INTS2: variants seen among roughly 807,000 people sequenced by gnomAD.
The protein encoded by INTS2 is integrator complex subunit 2, also known as KIAA1287.
Under a neutral mutation model 139.6 loss-of-function variants are expected in INTS2, and 57 were observed. That is an observed-to-expected ratio of 0.41 (90% confidence interval 0.33 to 0.51). The LOEUF is 0.51. Among genes scored for constraint, INTS2 ranks in the 20% least tolerant of loss-of-function variants. The pLI, the probability that INTS2 is intolerant of heterozygous loss-of-function variation, is 0.28. For synonymous variants in INTS2, 473 were observed against 493.4 expected, an observed-to-expected ratio of 0.96 and a Z score of 0.55; for missense variants, 1,196 against 1,436.7, an observed-to-expected ratio of 0.83 and a Z score of 2.71.
At chr17:61,877,690 T>G (rs2145907695) in intron 18 of INTS2, among the ~76,000 whole-genome samples, 197 bp downstream of exon 18, 1 of 152,338 alleles carries the variant, frequency 6.6e-6, no homozygotes, top group Non-Finnish European at 1.5e-5. Context: ...TACTGTAAGG[T>G]TTCTATTTCA....
In INTS2 at chr17:61,904,571, T is replaced by G. The variant is rs199843960; in HGVS notation, c.1196A>C (p.Glu399Ala). 8.1e-6 allele frequency: 13 copies of G among 1,610,866 alleles called. No individual in the cohort carries two copies. Among genetic ancestry groups the G allele is most frequent in the South Asian group, 3.3e-5 (3 of 90,252 alleles). The change falls in exon 9 of 25, where the codon GAA (glutamate) becomes GCA (alanine). Residue 399 changes from glutamate (E) to alanine (A), a missense_variant. This residue lies in a region of INTS2 where 1,129 missense variants were observed against 1,341.9 expected (regional missense o/e 0.84). Coordinates refer to ENST00000251334, the MANE Select transcript of INTS2 (RefSeq NM_001351695.2). ...CATCAACTGCAGTAATTGCTCAGCT[T>G]CTTCTTCAGTTGGTCTAAAAAGGAA... is the stretch of plus-strand genomic sequence containing the variant. ...GIAGLKPTEEEAEQLLQLMTS... is the reference protein window; with the variant it reads ...GIAGLKPTEEAAEQLLQLMTS...
rs531460111 is a variant in INTS2, at chr17:61,890,045, C to T, written c.1876-151G>A. On this transcript the variant is annotated intron_variant, in intron 14 of 24. Transcript: ENST00000251334. ...GAAATGTTGCTGTGTGTGTATTAAA[C>T]TCAAAAAAACAACATGAAATCTGAG... 3.8e-4 allele frequency among the ~76,000 whole-genome samples: 58 copies of T among 151,766 alleles called. 1 individual carries two copies. The South Asian group carries it at 0.012, about 31-fold the overall frequency.
intron 15 of INTS2, among the ~76,000 whole-genome samples, chr17:61,887,316 C>T (rs1311219115): frequency 6.6e-6 from 1 of 151,964 alleles, no homozygotes; most frequent in African/African-American, 2.4e-5. Flanking sequence ...AACCCATTCT[C>T]TACTAAAAAT....
intron 4 of INTS2, among the ~76,000 whole-genome samples, chr17:61,920,269 C>T (rs1487233796): frequency 6.6e-6 from 1 of 151,434 alleles, no homozygotes; most frequent in South Asian, 2.1e-4. Flanking sequence ...GCAACCTCCG[C>T]CTCCAGAGTT....
In INTS2 at chr17:61,903,021, C is replaced by T. The variant is rs535984310; in HGVS notation, c.1307+1439G>A. 1.6e-3 allele frequency among the ~76,000 whole-genome samples: 244 copies of T among 150,776 alleles called. 1 individual carries two copies. The highest frequency in any genetic ancestry group is 5.5e-3 in the African/African-American group (226 of 41,230). On this transcript the variant is annotated intron_variant, in intron 9 of 24. Transcript: ENST00000251334. ...CTCTACTAAAAATACAAAAATTAGC[C>T]GGGCGTGGTGGCAGGCTCCTGTAGT...
At position 61,873,333 on chromosome 17, in the gene INTS2, G is replaced by A. The variant is rs968898260; in HGVS notation, c.2583-873C>T. 6.6e-6 allele frequency among the ~76,000 whole-genome samples: 1 copy of A among 151,810 alleles called. No individual in the cohort carries two copies. Among genetic ancestry groups the A allele is most frequent in the Non-Finnish European group, 1.5e-5 (1 of 67,960 alleles). On this transcript the variant is annotated intron_variant, in intron 19 of 24. Transcript: ENST00000251334. This position sits in a 1 kb window ranked among gnomAD's most constrained non-coding sequence, Gnocchi z 4.0. The stretch of plus-strand genomic sequence containing the variant: ...AAGCCCAGGAGTTCAAGACCAGCCT[G>A]GACAACATAGCAAGACCCCCAACTC...
intron 15 of INTS2, among the ~76,000 whole-genome samples, chr17:61,889,098 T>C (rs1210358609): frequency 1.6e-4 from 24 of 151,368 alleles, no homozygotes; most frequent in Admixed American, 1.3e-3. Flanking sequence ...CTACTTTTTT[T>C]TTTTTTTGAG....
intron 5 of INTS2, among the ~76,000 whole-genome samples, chr17:61,914,821 T>A (rs1372389149): frequency 6.7e-6 from 1 of 148,164 alleles, no homozygotes; most frequent in African/African-American, 2.5e-5. Flanking sequence ...CTGCAGTGAA[T>A]CATGACCACA....
At chr17:61,885,766 G>C (rs1473959822) in intron 15 of INTS2, among the ~76,000 whole-genome samples, 1 of 114,774 alleles carries the variant, frequency 8.7e-6, no homozygotes, top group African/African-American at 3.5e-5. Flanking sequence ...GTCTCGCTCT[G>C]TCACCAGGCT....
In INTS2 at chr17:61,865,447, AC is replaced by A. The variant is rs2079036479; in HGVS notation, c.*2109del. The A allele has an allele frequency of 6.5e-6, 1 of 152,674 alleles. No individual in the cohort carries two copies. Among genetic ancestry groups the A allele is most frequent in the Admixed American group, 6.5e-5 (1 of 15,278 alleles). The allele number at this position is 152,674 out of a possible 1,614,324, so 9.5% of individuals were successfully genotyped here. ...CATCTGTTTTCACTTGAATAAAAAA[AC>A]ACATTGTGACAAATTTTATAACCTT... On this transcript the variant is annotated 3_prime_UTR_variant, in exon 25 of 25. Coordinates refer to ENST00000251334, the MANE Select transcript of INTS2 (RefSeq NM_001351695.2). The surrounding 1 kb of genome is among the most constrained non-coding windows in gnomAD (Gnocchi z 4.8).
intron 18 of INTS2, among the ~76,000 whole-genome samples, chr17:61,877,256 G>A (rs1442835335): frequency 1.3e-5 from 2 of 152,110 alleles, no homozygotes; most frequent in Admixed American, 6.5e-5. Context: ...GATGAAAATA[G>A]TAGTCTCTGG....
chr17:61,921,646 C>A (rs1257946425), intron 4 of INTS2, 79 bp downstream of exon 4: 1 of 644,992 alleles, frequency 1.6e-6, no homozygotes, highest in South Asian at 3.1e-5. Context: ...AATAACACAG[C>A]ATACCAGGCT....
chr17:61,880,825 G>C (rs564826164), intron 17 of INTS2, among the ~76,000 whole-genome samples, 182 bp downstream of exon 17: 2 of 146,422 alleles, frequency 1.4e-5, no homozygotes, highest in Non-Finnish European at 3.0e-5. Flanking sequence ...AAGGAGGAAA[G>C]GGGGGAGGGG....
intron 9 of INTS2, 50 bp downstream of exon 9, chr17:61,904,410 T>A: frequency 7.6e-7 from 1 of 1,323,628 alleles, no homozygotes; most frequent in Non-Finnish European, 1.1e-6. Flanking sequence ...TTTTATTGAG[T>A]AAATAAAAGT....
At position 61,891,553 on chromosome 17, in the gene INTS2, G is replaced by A. The variant is rs777141604; in HGVS notation, c.1835C>T (p.Thr612Ile). Residue 612 changes from threonine to isoleucine, a missense_variant, in exon 14 of 25, where the codon ACA becomes ATA. Transcript: ENST00000251334. ...SNPEATNQPV[T>I]EQEILNIFQG... is the part of the protein sequence containing the mutation. ...GAAAATATTGAGTATCTCCTGTTCTGTGACTGGCTGATTTGTGGCTTCTGG... is the reference window on the plus strand; with the variant it reads ...GAAAATATTGAGTATCTCCTGTTCTATGACTGGCTGATTTGTGGCTTCTGG... The A allele has an allele frequency of 4.3e-6, 7 of 1,613,796 alleles. No homozygotes were observed. The highest frequency in any genetic ancestry group is 5.9e-6 in the Non-Finnish European group (7 of 1,179,788).
At position 61,911,537 on chromosome 17, in the gene INTS2, T is replaced by C. The variant is rs371233909; in HGVS notation, c.937A>G (p.Ile313Val). The C allele has an allele frequency of 3.7e-6, 6 of 1,613,874 alleles. No homozygotes were observed. The highest frequency in any genetic ancestry group is 5.1e-6 in the Non-Finnish European group (6 of 1,179,892). The change falls in exon 7 of 25, where the codon ATC becomes GTC. Residue 313 changes from isoleucine (I) to valine (V), a missense_variant. By Grantham distance (29) the Ile-to-Val change is conservative. This residue lies in a region of INTS2 where 1,129 missense variants were observed against 1,341.9 expected (regional missense o/e 0.84). Coordinates refer to ENST00000251334, the MANE Select transcript of INTS2 (RefSeq NM_001351695.2). Reference protein sequence around the residue: ...AKVRTWFGTFIRNGQQRKRET... With the variant: ...AKVRTWFGTFVRNGQQRKRET... ...ACCCTCACCTGCTGTCCATTTCGGA[T>C]AAAAGTTCCAAACCAAGTCCGGACT...
At chr17:61,911,324 A>C in intron 7 of INTS2, 196 bp downstream of exon 7, 1 of 453,744 alleles carries the variant, frequency 2.2e-6, no homozygotes, top group Non-Finnish European at 3.9e-6. Context: ...AATATGGTAA[A>C]TATCAACAGA....
Position 61,870,235 on chromosome 17 carries a change from A to G in INTS2, c.2779-247T>C, listed in dbSNP as rs1023760585. Among the ~76,000 whole-genome samples, 1 of 152,214 alleles carries G rather than the reference A, an allele frequency of 6.6e-6. No individual in the cohort carries two copies. The highest frequency in any genetic ancestry group is 2.4e-5 in the African/African-American group (1 of 41,458). The stretch of plus-strand genomic sequence containing the variant: ...CCTCTCCCGATAAAAATTAACATAC[A>G]TAAACAAACATCATTACATAATGAT... On this transcript the variant is annotated intron_variant, in intron 20 of 24. Coordinates refer to ENST00000251334, the MANE Select transcript of INTS2 (RefSeq NM_001351695.2). The surrounding 1 kb of genome is among the most constrained non-coding windows in gnomAD (Gnocchi z 4.4).
intron 3 of INTS2, among the ~76,000 whole-genome samples, chr17:61,922,152 CA>C (rs781402149): frequency 1.2e-4 from 19 of 152,076 alleles, no homozygotes; most frequent in Admixed American, 2.6e-4. Flanking sequence ...AAGCCAAGAA[CA>C]GTCAACCTAA....
Sources: allele counts gnomAD v4.1 joint callset (sites outside exome capture counted in the v4.1 genomes callset), GRCh38; gene constraint gnomAD v4.1.1; regional missense constraint gnomAD v4.1.1; non-coding constraint Gnocchi (gnomAD v3.1); transcripts MANE v1.5; gene names NCBI Gene and HGNC (gene_info 2026-07-23, HGNC 2026-07-21).